L3MBTL4: variants seen among roughly 807,000 people sequenced by gnomAD.
L3MBTL4 encodes lethal(3)malignant brain tumor-like protein 4.
Under a neutral mutation model 84.5 loss-of-function variants are expected in L3MBTL4, and 70 were observed. The observed-to-expected ratio is 0.83, with a 90% CI of 0.68 to 1.01. L3MBTL4 has a LOEUF of 1.01. L3MBTL4 is among the 50% of genes least tolerant of loss of function. The pLI, the probability that L3MBTL4 is intolerant of heterozygous loss-of-function variation, is 0.00. For missense variants in L3MBTL4, 715 were observed against 754.8 expected, an observed-to-expected ratio of 0.95 and a Z score of 0.62; for synonymous variants, 274 against 259.8, an observed-to-expected ratio of 1.05 and a Z score of -0.52.
At position 6,305,265 on chromosome 18, in the gene L3MBTL4, C is replaced by T. The variant is rs539491248; in HGVS notation, c.73-3308G>A. ...AGGGCTAGGTGACCTAAGGTCAAATCTCAACCCACCACTAAAAGCTATTTA... is the reference window on the plus strand; with the variant it reads ...AGGGCTAGGTGACCTAAGGTCAAATTTCAACCCACCACTAAAAGCTATTTA... On this transcript the variant is annotated intron_variant, in intron 3 of 18. Coordinates refer to ENST00000317931, the MANE Select transcript of L3MBTL4 (RefSeq NM_001330559.2). 2.6e-4 allele frequency among the ~76,000 whole-genome samples: 40 copies of T among 152,314 alleles called. 1 individual carries two copies. The highest frequency in any genetic ancestry group is 1.2e-3 in the South Asian group (6 of 4,826).
intron 1 of L3MBTL4, among the ~76,000 whole-genome samples, chr18:6,393,939 G>GCT (rs2055165102): frequency 6.6e-6 from 1 of 151,858 alleles, no homozygotes; most frequent in Non-Finnish European, 1.5e-5. Context: ...ACCACCTTCC[G>GCT]CTCTCCCCTT....
chr18:5,968,697 T>TAAATA (rs34548706), intron 17 of L3MBTL4, among the ~76,000 whole-genome samples: 34,988 of 141,836 alleles, frequency 0.25, 5,034 homozygotes, highest in Middle Eastern at 0.36. Flanking sequence ...ACCTTGTCTC[T>TAAATA]AAATAAAATA....
At chr18:6,089,752 C>T (rs1254388672) in intron 15 of L3MBTL4, among the ~76,000 whole-genome samples, 2 of 152,248 alleles carry the variant, frequency 1.3e-5, no homozygotes, top group African/African-American at 4.8e-5. Context: ...TTTAGCATAA[C>T]GCTTTGCAGC....
At chr18:6,082,014 T>C (rs530120544) in intron 15 of L3MBTL4, among the ~76,000 whole-genome samples, 5 of 152,220 alleles carry the variant, frequency 3.3e-5, no homozygotes, top group African/African-American at 1.2e-4. Context: ...TGGGGGGCAA[T>C]GCAGAGACAG....
At chr18:6,051,279 C>T (rs2056829362) in intron 16 of L3MBTL4, among the ~76,000 whole-genome samples, 1 of 152,220 alleles carries the variant, frequency 6.6e-6, no homozygotes, top group African/African-American at 2.4e-5. Flanking sequence ...TGGCTCACGC[C>T]TGTAATCCCA....
At chr18:6,202,655 C>T (rs919769783) in intron 12 of L3MBTL4, among the ~76,000 whole-genome samples, 2 of 151,120 alleles carry the variant, frequency 1.3e-5, no homozygotes, top group African/African-American at 2.5e-5. Flanking sequence ...TTGACTACGG[C>T]GGTTGACCAT....
chr18:6,012,727 T>G (rs1021710302), intron 16 of L3MBTL4, among the ~76,000 whole-genome samples: 10 of 151,394 alleles, frequency 6.6e-5, no homozygotes, highest in African/African-American at 2.4e-4. Flanking sequence ...GAGCTATGAC[T>G]GCGCCATTGC....
chr18:6,343,612 A>G (rs2052720434), intron 1 of L3MBTL4, among the ~76,000 whole-genome samples: 1 of 151,418 alleles, frequency 6.6e-6, no homozygotes, highest in African/African-American at 2.4e-5. Context: ...CAGCGAGTCA[A>G]GATCGCACCA....
chr18:6,245,190 G>A (rs895440705), intron 5 of L3MBTL4, among the ~76,000 whole-genome samples: 2 of 152,060 alleles, frequency 1.3e-5, no homozygotes, highest in African/African-American at 4.8e-5. Flanking sequence ...ACCACGCCCA[G>A]CCCAAATAAG....
At chr18:6,047,395 G>A (rs2145773086) in intron 16 of L3MBTL4, among the ~76,000 whole-genome samples, 1 of 152,090 alleles carries the variant, frequency 6.6e-6, no homozygotes, top group South Asian at 2.1e-4. Context: ...CTCCCTAACT[G>A]ATTCTACATA....
intron 14 of L3MBTL4, among the ~76,000 whole-genome samples, chr18:6,106,203 C>T (rs894711915): frequency 1.3e-5 from 2 of 152,208 alleles, no homozygotes; most frequent in Non-Finnish European, 1.5e-5. Context: ...TTTAACTACT[C>T]TGCCAAACTG....
In L3MBTL4 at chr18:6,224,039, G is replaced by A. The variant is rs149955749; in HGVS notation, c.785-8204C>T. On this transcript the variant is annotated intron_variant, in intron 10 of 18. Coordinates refer to ENST00000317931, the MANE Select transcript of L3MBTL4 (RefSeq NM_001330559.2). Reference sequence around the variant, plus strand: ...GGAGTAATTAACCTGGGTGGAAGGAGAAACCAAGGGGCACTAAGTGAGAAA... The same window carrying A: ...GGAGTAATTAACCTGGGTGGAAGGAAAAACCAAGGGGCACTAAGTGAGAAA... Among the ~76,000 whole-genome samples the A allele has an allele frequency of 8.5e-4, 130 of 152,092 alleles. 3 individuals carry two copies. In the East Asian group the frequency reaches 0.024, roughly 28 times the overall value.
intron 14 of L3MBTL4, among the ~76,000 whole-genome samples, chr18:6,097,289 G>A (rs759477687): frequency 6.6e-6 from 1 of 152,182 alleles, no homozygotes; most frequent in Non-Finnish European, 1.5e-5. Context: ...CTTTATAATG[G>A]AAGGAAACAG....
intron 12 of L3MBTL4, among the ~76,000 whole-genome samples, chr18:6,172,429 C>T (rs2044021821): frequency 6.6e-6 from 1 of 152,054 alleles, no homozygotes; most frequent in African/African-American, 2.4e-5. Flanking sequence ...GAGACGGGCC[C>T]ATTGGAACCA....
chr18:6,337,491 T>C (rs539596453), intron 1 of L3MBTL4, among the ~76,000 whole-genome samples: 1 of 152,104 alleles, frequency 6.6e-6, no homozygotes, highest in East Asian at 1.9e-4. Flanking sequence ...AAACATTATT[T>C]TGACTTGAAG....
At chr18:6,177,018 G>A (rs1356873267) in intron 12 of L3MBTL4, among the ~76,000 whole-genome samples, 2 of 152,162 alleles carry the variant, frequency 1.3e-5, no homozygotes, top group East Asian at 3.8e-4. Flanking sequence ...AGCTCCTGAA[G>A]CATTCATACC....
At chr18:6,030,722 A>G (rs1274541917) in intron 16 of L3MBTL4, 2 of 972,848 alleles carry the variant, frequency 2.1e-6, no homozygotes, top group Non-Finnish European at 2.4e-6. Flanking sequence ...GTTTAATGCT[A>G]TCTCCATTTC....
chr18:6,216,461 G>A (rs191159561), intron 10 of L3MBTL4, among the ~76,000 whole-genome samples: 282 of 151,676 alleles, frequency 1.9e-3, no homozygotes, highest in South Asian at 3.3e-3. Context: ...ATCTTTCCAC[G>A]CAATAAGTAT....
chr18:6,247,465 G>GCTTTTTTTTTT (rs2047718072), intron 5 of L3MBTL4, among the ~76,000 whole-genome samples: 1 of 84,858 alleles, frequency 1.2e-5, no homozygotes, highest in African/African-American at 6.9e-5. Flanking sequence ...CCCCTCCTCT[G>GCTTTTTTTTTT]ATTTTTTTTT....
Sources: gnomAD v4.1 joint callset for allele counts (sites outside exome capture counted in the v4.1 genomes callset) on GRCh38, gnomAD v4.1.1 for gene constraint, MANE v1.5 for transcripts, NCBI Gene and HGNC (gene_info 2026-07-23, HGNC 2026-07-21) for gene names.